The following CCDC3 variants were observed in gnomAD, a reference collection of about 807,000 sequenced individuals.
The protein encoded by CCDC3 is coiled-coil domain-containing protein 3.
A neutral mutation model predicts 21.4 loss-of-function variants in CCDC3; 24 were observed. That is an observed-to-expected ratio of 1.12 (90% CI 0.81 to 1.58). CCDC3 has a LOEUF of 1.58. CCDC3 is among the 40% of genes most tolerant of loss of function. The pLI is 0.00. For synonymous variants in CCDC3, 186 were observed against 166.0 expected (o/e 1.12, Z -0.93); for missense variants, 425 against 360.9 (o/e 1.18, Z -1.44).
intron 5 of CCDC3, among the ~76,000 whole-genome samples, chr10:13,045,217 T>G (rs1021548875): frequency 6.6e-6 from 1 of 152,222 alleles, no homozygotes; most frequent in East Asian, 1.9e-4. Context: ...AAAGCATGCA[T>G]ATAAATTGAA....
At chr10:12,911,911 T>C (rs7898221) in intron 2 of CCDC3, among the ~76,000 whole-genome samples, 24,080 of 152,206 alleles carry the variant, frequency 0.16, 2,589 homozygotes, top group East Asian at 0.3. Context: ...CATGCAGTAC[T>C]GGTGCCTGGC....
At chr10:13,091,585 G>A (rs888749713) in intron 3 of CCDC3, among the ~76,000 whole-genome samples, 3 of 152,150 alleles carry the variant, frequency 2.0e-5, no homozygotes, top group African/African-American at 7.2e-5. Flanking sequence ...CACCATCTCA[G>A]CTAATACTGC....
intron 2 of CCDC3, among the ~76,000 whole-genome samples, chr10:12,958,574 C>G (rs374720352): frequency 6.6e-6 from 1 of 152,178 alleles, no homozygotes; most frequent in South Asian, 2.1e-4. Flanking sequence ...GAAGAGCAGG[C>G]CTGGTCTTGA....
intron 5 of CCDC3, among the ~76,000 whole-genome samples, chr10:13,024,418 T>C (rs1836189745): frequency 6.6e-6 from 1 of 152,162 alleles, no homozygotes; most frequent in Non-Finnish European, 1.5e-5. Flanking sequence ...CTTTTAAGAT[T>C]CTTAGTATAT....
intron 2 of CCDC3, among the ~76,000 whole-genome samples, chr10:12,985,318 T>C (rs368247782): frequency 1.3e-5 from 2 of 152,242 alleles, no homozygotes; most frequent in Non-Finnish European, 2.9e-5. Flanking sequence ...GCTTTATCCA[T>C]TGCTGATAGA....
intron 5 of CCDC3, among the ~76,000 whole-genome samples, chr10:13,045,843 C>A (rs1312193442): frequency 6.6e-6 from 1 of 152,128 alleles, no homozygotes; most frequent in African/African-American, 2.4e-5. Flanking sequence ...GTAATCCCAG[C>A]ACTTTGGGAG....
intron 5 of CCDC3, among the ~76,000 whole-genome samples, chr10:13,028,979 G>C (rs1836262686): frequency 6.6e-6 from 1 of 152,170 alleles, no homozygotes; most frequent in Non-Finnish European, 1.5e-5. Context: ...ATGCTTATTT[G>C]ATCAGTGAAT....
intron 2 of CCDC3, among the ~76,000 whole-genome samples, chr10:12,938,197 CCA>C (rs1272971132): frequency 2.0e-5 from 3 of 152,172 alleles, no homozygotes; most frequent in African/African-American, 7.2e-5. Context: ...TAACCTCCAC[CCA>C]CAGAGAGGAA....
chr10:12,902,557 G>A (rs1014695181), intron 2 of CCDC3, among the ~76,000 whole-genome samples: 5 of 152,208 alleles, frequency 3.3e-5, no homozygotes, highest in Non-Finnish European at 7.3e-5. Flanking sequence ...AGAGGATTGG[G>A]GTTTTGGAAG....
chr10:13,006,405 G>C (rs189046023), upstream of CCDC3, among the ~76,000 whole-genome samples: 1 of 152,186 alleles, frequency 6.6e-6, no homozygotes, highest in Admixed American at 6.5e-5. Flanking sequence ...TAAGTTCATA[G>C]TAGTCTTCAG....
intron 2 of CCDC3, among the ~76,000 whole-genome samples, chr10:12,926,355 T>C (rs1303165147): frequency 3.9e-5 from 6 of 152,222 alleles, no homozygotes; most frequent in Non-Finnish European, 8.8e-5. Context: ...AACTTAAGCA[T>C]GGCAGGCAAT....
chr10:13,090,481 G>A (rs1195025632), intron 3 of CCDC3, among the ~76,000 whole-genome samples: 1 of 152,196 alleles, frequency 6.6e-6, no homozygotes, highest in Non-Finnish European at 1.5e-5. Context: ...AGCCCTTTTA[G>A]AGGAGGTCTC....
intron 2 of CCDC3, among the ~76,000 whole-genome samples, chr10:12,951,224 T>A (rs887488059): frequency 6.6e-6 from 1 of 152,118 alleles, no homozygotes; most frequent in Non-Finnish European, 1.5e-5. Context: ...TAATTTTTTT[T>A]AATTAGCTGG....
intron 5 of CCDC3, among the ~76,000 whole-genome samples, chr10:13,017,149 C>T (rs1257443244): frequency 6.6e-6 from 1 of 152,026 alleles, no homozygotes; most frequent in Non-Finnish European, 1.5e-5. Context: ...CAGCCAAAGC[C>T]TTTTTCACAG....
chr10:12,905,889 G>T (rs751275180), intron 2 of CCDC3, among the ~76,000 whole-genome samples: 125 of 152,302 alleles, frequency 8.2e-4, no homozygotes, highest in Non-Finnish European at 1.5e-3. Context: ...ACATGGCGCT[G>T]TGTTTTCTGG....
At chr10:12,940,340 G>A (rs1393132120) in intron 2 of CCDC3, among the ~76,000 whole-genome samples, 1 of 145,254 alleles carries the variant, frequency 6.9e-6, no homozygotes, top group East Asian at 2.0e-4. Context: ...GACATTTCAA[G>A]TATATTATTG....
chr10:12,999,109 A>C (rs2131286317), intron 1 of CCDC3, among the ~76,000 whole-genome samples: 1 of 152,230 alleles, frequency 6.6e-6, no homozygotes, highest in Non-Finnish European at 1.5e-5. Context: ...GCACGGTGGC[A>C]CACACCTGTA....
intron 3 of CCDC3, among the ~76,000 whole-genome samples, chr10:13,097,121 G>A (rs1832636987): frequency 6.6e-6 from 1 of 152,142 alleles, no homozygotes; most frequent in South Asian, 2.1e-4. Flanking sequence ...CCCAGATTAG[G>A]ATCTCACTAA....
chr10:12,936,161 C>T (rs537496226), intron 2 of CCDC3, among the ~76,000 whole-genome samples: 175 of 152,172 alleles, frequency 1.2e-3, no homozygotes, highest in South Asian at 3.1e-3. Flanking sequence ...GTTTACGGTC[C>T]GACGGTAATC....
Sources: gnomAD v4.1 joint callset for allele counts (sites outside exome capture counted in the v4.1 genomes callset) on GRCh38, gnomAD v4.1.1 for gene constraint, MANE v1.5 for transcripts, NCBI Gene and HGNC (gene_info 2026-07-23, HGNC 2026-07-21) for gene names.